COL5A2: variants seen among roughly 807,000 people sequenced by gnomAD.
The protein encoded by COL5A2 is collagen alpha-2(V) chain.
A neutral mutation model predicts 208.2 loss-of-function variants in COL5A2; 23 were observed. The observed-to-expected ratio is 0.11, with a 90% CI of 0.08 to 0.16. COL5A2 has a LOEUF of 0.16. Ranked by LOEUF, COL5A2 falls within the 10% of genes least tolerant of loss-of-function variation. COL5A2 has a pLI of 1.00. For synonymous variants in COL5A2, 625 were observed against 628.5 expected (o/e 0.99, Z 0.08); for missense variants, 1,590 against 1,956.4 (o/e 0.81, Z 3.53).
chr2:189,275,643 G>T, the COL5A2 span, among the ~76,000 whole-genome samples: 1 of 151,726 alleles, frequency 6.6e-6, no homozygotes, highest in Non-Finnish European at 1.5e-5. Flanking sequence ...AGTAGAGACG[G>T]GCTTTCACCA....
chr2:189,042,914 G>T, intron 48 of COL5A2, 141 bp from the exon 49 acceptor site: 1 of 883,698 alleles, frequency 1.1e-6, no homozygotes, highest in Non-Finnish European at 1.8e-6. Context: ...TACATGAGTT[G>T]ACCAATGTTA....
intron 1 of COL5A2, among the ~76,000 whole-genome samples, chr2:189,216,655 G>C (rs1016508902): frequency 6.6e-6 from 1 of 152,062 alleles, no homozygotes; most frequent in African/African-American, 2.4e-5. Context: ...ACAAGTTCAG[G>C]AGTCAAGCAA....
In COL5A2 at chr2:189,052,185, G is replaced by A. The variant is rs1388047059; in HGVS notation, c.2756C>T (p.Pro919Leu). The A allele has an allele frequency of 1.9e-6, 3 of 1,613,688 alleles. No homozygotes were observed. The highest frequency in any genetic ancestry group is 1.6e-4 in the Middle Eastern group (1 of 6,082). ...GFPGSAGRVG[P>L]PGPAGAPGPA... is the part of the protein sequence containing the mutation. ...AAGTTGACTTACAGCAGGGCCTGGAGGTCCAACTCTGCCCGCAGAACCAGG... is the reference window on the plus strand; with the variant it reads ...AAGTTGACTTACAGCAGGGCCTGGAAGTCCAACTCTGCCCGCAGAACCAGG... The change falls in exon 41 of 54, where the codon CCT becomes CTT. Residue 919 changes from proline to leucine, a missense_variant. Physicochemically the swap from Pro to Leu is moderately conservative, Grantham distance 98 (BLOSUM62 -3). Transcript: ENST00000374866.
At chr2:189,147,836 A>G (rs1350522288) in intron 1 of COL5A2, among the ~76,000 whole-genome samples, 1 of 152,066 alleles carries the variant, frequency 6.6e-6, no homozygotes, top group Non-Finnish European at 1.5e-5. Flanking sequence ...GCAAAGTCCC[A>G]AGGGTAAGGA....
chr2:189,103,901 C>T (rs1292403465), intron 3 of COL5A2, among the ~76,000 whole-genome samples: 2 of 151,946 alleles, frequency 1.3e-5, no homozygotes, highest in African/African-American at 4.8e-5. Context: ...CCTTCCCTTC[C>T]TCCTATCTTT....
At chr2:189,364,277 A>G in the COL5A2 span, among the ~76,000 whole-genome samples, 1 of 152,208 alleles carries the variant, frequency 6.6e-6, no homozygotes, top group Non-Finnish European at 1.5e-5. Flanking sequence ...CTGCATTCCA[A>G]TTATCAGTAA....
chr2:189,154,667 C>T (rs1485560463), intron 1 of COL5A2, among the ~76,000 whole-genome samples: 3 of 152,124 alleles, frequency 2.0e-5, no homozygotes, highest in African/African-American at 4.8e-5. Context: ...GATGAAATCT[C>T]GCTAGGTTGC....
intron 1 of COL5A2, among the ~76,000 whole-genome samples, chr2:189,191,146 AAAAAAC>A (rs1184919846): frequency 1.1e-4 from 7 of 65,456 alleles, no homozygotes; most frequent in African/African-American, 1.5e-4. Flanking sequence ...ACCATAAAAA[AAAAAAC>A]AAAAAACAAA....
At chr2:189,433,076 T>C in the COL5A2 span, among the ~76,000 whole-genome samples, 1 of 152,322 alleles carries the variant, frequency 6.6e-6, no homozygotes, top group African/African-American at 2.4e-5. Context: ...TGATCCTGAA[T>C]GACTACTAGG....
the COL5A2 span, among the ~76,000 whole-genome samples, chr2:189,295,729 G>A: frequency 6.6e-6 from 1 of 152,128 alleles, no homozygotes; most frequent in African/African-American, 2.4e-5. Flanking sequence ...ACAAATTCTG[G>A]TTCCACCGTT....
At chr2:189,164,245 G>A (rs757668264) in intron 1 of COL5A2, among the ~76,000 whole-genome samples, 4 of 152,114 alleles carry the variant, frequency 2.6e-5, no homozygotes, top group Non-Finnish European at 4.4e-5. Flanking sequence ...TTCCTGATGC[G>A]AGATGAATAA....
the COL5A2 span, among the ~76,000 whole-genome samples, chr2:189,342,297 A>G: frequency 6.7e-6 from 1 of 149,520 alleles, no homozygotes; most frequent in South Asian, 2.1e-4. Context: ...CAAAATGACT[A>G]CTATATATAT....
intron 1 of COL5A2, among the ~76,000 whole-genome samples, chr2:189,176,530 A>C (rs1297831361): frequency 6.6e-6 from 1 of 152,166 alleles, no homozygotes; most frequent in Admixed American, 6.5e-5. Context: ...CATAACAAAG[A>C]TTATTTTCTA....
the COL5A2 span, among the ~76,000 whole-genome samples, chr2:189,343,283 C>T: frequency 2.0e-5 from 3 of 151,984 alleles, no homozygotes; most frequent in Non-Finnish European, 4.4e-5. Flanking sequence ...TTCATAAGGA[C>T]AGAAATTCTC....
At chr2:189,213,966 C>G (rs978300325) in intron 1 of COL5A2, among the ~76,000 whole-genome samples, 2 of 152,058 alleles carry the variant, frequency 1.3e-5, no homozygotes, top group Non-Finnish European at 2.9e-5. Context: ...CATATATATG[C>G]ATGTGTGTTT....
At chr2:189,095,406 A>T (rs1686886195) in intron 6 of COL5A2, among the ~76,000 whole-genome samples, 1 of 152,132 alleles carries the variant, frequency 6.6e-6, no homozygotes, top group Admixed American at 6.5e-5. Flanking sequence ...TAAGAGAGGA[A>T]CAGATTTCCT....
chr2:189,422,806 C>A, the COL5A2 span, among the ~76,000 whole-genome samples: 111 of 152,120 alleles, frequency 7.3e-4, no homozygotes, highest in East Asian at 0.02. Context: ...GAGCAAATCA[C>A]GAGGTCAGGA....
the COL5A2 span, among the ~76,000 whole-genome samples, chr2:189,365,170 A>G: frequency 2.6e-5 from 4 of 152,166 alleles, no homozygotes; most frequent in Non-Finnish European, 5.9e-5. Context: ...TTCATCATTA[A>G]TTCTATATAA....
the COL5A2 span, among the ~76,000 whole-genome samples, chr2:189,283,265 A>G: frequency 3.9e-5 from 6 of 151,934 alleles, no homozygotes; most frequent in Non-Finnish European, 8.8e-5. Flanking sequence ...GAGAGAAGAT[A>G]AAGAGAAAAG....
Sources: allele counts gnomAD v4.1 joint callset (sites outside exome capture counted in the v4.1 genomes callset), GRCh38; gene constraint gnomAD v4.1.1; transcripts MANE v1.5; gene names NCBI Gene and HGNC (gene_info 2026-07-23, HGNC 2026-07-21).